The following IPO7 variants were observed in gnomAD, a reference collection of about 807,000 sequenced individuals.
The protein encoded by IPO7 is importin-7.
In IPO7, 13 loss-of-function variants were observed where a neutral mutation model predicts 136.4. The ratio of observed to expected loss-of-function variants is 0.10; its 90% CI spans 0.06 to 0.15. The LOEUF is 0.15. Ranked by LOEUF, IPO7 falls within the 10% of genes least tolerant of loss-of-function variation. IPO7 has a pLI of 1.00. For missense variants in IPO7, 857 were observed against 1,240.6 expected (o/e 0.69, Z 4.65); for synonymous variants, 403 against 404.4 (o/e 1.00, Z 0.04).
chr11:9,404,141 C>T (rs1316469814), intron 2 of IPO7, among the ~76,000 whole-genome samples: 4 of 152,194 alleles, frequency 2.6e-5, no homozygotes, highest in African/African-American at 4.8e-5. Context: ...TTATTTCTTG[C>T]TGTTCTTTCC....
chr11:9,429,329 A>G (rs1855259930), intron 14 of IPO7, 133 bp downstream of exon 14: 3 of 734,746 alleles, frequency 4.1e-6, no homozygotes, highest in Non-Finnish European at 6.7e-6. Flanking sequence ...AGCCTGGGCA[A>G]CATCTCTACA....
In IPO7 at chr11:9,433,601, A is replaced by G. The variant is rs1855329919; in HGVS notation, c.1913A>G (p.Gln638Arg). The change falls in exon 17 of 25, where the codon CAG becomes CGG. Residue 638 changes from glutamine (Q) to arginine (R), a missense_variant. By Grantham distance (43) the Gln-to-Arg change is conservative. Coordinates refer to ENST00000379719, the MANE Select transcript of IPO7 (RefSeq NM_006391.3). The part of the protein sequence containing the change: ...ITQQLEGICL[Q>R]VIGTVLQQHV... ...CAACAGCTTGAGGGAATCTGCTTAC[A>G]GGTCATTGGTACTGTTTTACAACAG... 1.2e-6 allele frequency: 2 copies of G among 1,612,492 alleles called. No individual in the cohort carries two copies. The highest frequency in any genetic ancestry group is 1.7e-5 in the Admixed American group (1 of 59,994).
Position 9,411,220 on chromosome 11 carries a change from G to T in IPO7, c.479+1134G>T, listed in dbSNP as rs184674041. Among the ~76,000 whole-genome samples, 392 of 152,276 alleles carry T rather than the reference G, an allele frequency of 2.6e-3. 1 individual carries two copies. The highest frequency in any genetic ancestry group is 9.1e-3 in the African/African-American group (378 of 41,550). On this transcript the variant is annotated intron_variant, in intron 4 of 24. Transcript: ENST00000379719. Reference sequence around the variant, plus strand: ...GGATTTTTAAGTGGGAGATACAGGAGGCTGCTACATCATTGGAATTCAGTT... The same window carrying T: ...GGATTTTTAAGTGGGAGATACAGGATGCTGCTACATCATTGGAATTCAGTT...
intron 2 of IPO7, among the ~76,000 whole-genome samples, chr11:9,406,104 CTTTTTTTTTT>C (rs71062847): frequency 3.2e-5 from 2 of 61,816 alleles, no homozygotes; most frequent in African/African-American, 7.6e-5. Context: ...TGAGGCTGGT[CTTTTTTTTTT>C]TTTTTTTTTT....
intron 8 of IPO7, among the ~76,000 whole-genome samples, chr11:9,421,890 G>T (rs956682282): frequency 1.3e-5 from 2 of 151,934 alleles, no homozygotes; most frequent in African/African-American, 4.8e-5. Flanking sequence ...CTTGCGGTGC[G>T]CAGAGATCCT....
intron 8 of IPO7, among the ~76,000 whole-genome samples, chr11:9,421,639 A>T (rs529907991): frequency 1.4e-5 from 2 of 147,540 alleles, no homozygotes; most frequent in Admixed American, 1.4e-4. Flanking sequence ...AAAAAAAAAA[A>T]TTCTTAAGAA....
chr11:9,426,030 G>T (rs530128608), intron 12 of IPO7, among the ~76,000 whole-genome samples: 1 of 152,018 alleles, frequency 6.6e-6, no homozygotes, highest in Admixed American at 6.6e-5. Flanking sequence ...TCCAGTCCAG[G>T]CGACAGAGAC....
rs536596608 is a variant in IPO7, at chr11:9,442,790, C to T, written c.3019+593C>T. Among the ~76,000 whole-genome samples the T allele has an allele frequency of 6.7e-4, 101 of 151,654 alleles. 1 individual carries two copies. Among genetic ancestry groups the T allele is most frequent in the Non-Finnish European group, 1.2e-3 (80 of 67,822 alleles). On this transcript the variant is annotated intron_variant, in intron 24 of 24. Coordinates refer to ENST00000379719, the MANE Select transcript of IPO7 (RefSeq NM_006391.3). ...GTAATTCCAGCACTTTGGGAGGCCA[C>T]GGTGGGTGGATTGCCTGAGCTCGGG... is the stretch of plus-strand genomic sequence containing the variant.
intron 10 of IPO7, among the ~76,000 whole-genome samples, chr11:9,424,374 A>G (rs1713622067): frequency 6.6e-6 from 1 of 152,234 alleles, no homozygotes; most frequent in East Asian, 1.9e-4. Context: ...TGTTTCATAC[A>G]TACGATTTAA....
At chr11:9,421,223 A>G (rs1855122880) in intron 8 of IPO7, among the ~76,000 whole-genome samples, 3 of 151,584 alleles carry the variant, frequency 2.0e-5, no homozygotes, top group Non-Finnish European at 4.4e-5. Flanking sequence ...GGCCTCCCAA[A>G]GTGCTGGGAT....
chr11:9,420,022 A>G (rs1855104480), intron 6 of IPO7, among the ~76,000 whole-genome samples: 1 of 152,176 alleles, frequency 6.6e-6, no homozygotes, highest in South Asian at 2.1e-4. Flanking sequence ...CTAACCTTCT[A>G]CTATGAAAGG....
In IPO7 at chr11:9,433,749, G is replaced by A. The variant is rs761418354; in HGVS notation, c.1977G>A (p.Ala659=). The change falls in exon 18 of 25, where the codon GCG becomes GCA. Residue 659 remains alanine, a synonymous_variant. Coordinates refer to ENST00000379719, the MANE Select transcript of IPO7 (RefSeq NM_006391.3). The part of the protein sequence containing the change: ...LEFYEEIFSL[A]HSLTCQQVSP... ...TCTATGAGGAGATCTTCTCTTTAGC[G>A]CACAGTTTGACATGTCAACAAGTGT... The A allele has an allele frequency of 2.1e-5, 34 of 1,611,754 alleles. No homozygotes were observed. Among genetic ancestry groups the A allele is most frequent in the African/African-American group, 8.0e-5 (6 of 74,798 alleles).
intron 10 of IPO7, among the ~76,000 whole-genome samples, chr11:9,424,135 A>G (rs1855171061): frequency 6.6e-6 from 1 of 152,198 alleles, no homozygotes; most frequent in African/African-American, 2.4e-5. Flanking sequence ...ATTACACCTC[A>G]ACACTAAATG....
Position 9,434,918 on chromosome 11 carries a change from T to C in IPO7, c.2075-16T>C, listed in dbSNP as rs377365084. The C allele has an allele frequency of 6.6e-7, 1 of 1,506,520 alleles. No homozygotes were observed. Among genetic ancestry groups the C allele is most frequent in the Non-Finnish European group, 9.2e-7 (1 of 1,085,680 alleles). The allele number at this position is 1,506,520 out of a possible 1,614,324, so 93.3% of individuals were successfully genotyped here. ...TGTTACTAAAGATGTGTAACCGATGTTTTTTATTAATACAGATATGATGCC... is the reference window on the plus strand; with the variant it reads ...TGTTACTAAAGATGTGTAACCGATGCTTTTTATTAATACAGATATGATGCC... On this transcript the variant is annotated splice_polypyrimidine_tract_variant and intron_variant, in intron 18 of 24. Coordinates refer to ENST00000379719, the MANE Select transcript of IPO7 (RefSeq NM_006391.3).
At chr11:9,408,826 C>T (rs1202515051) in intron 3 of IPO7, among the ~76,000 whole-genome samples, 187 bp downstream of exon 3, 2 of 149,718 alleles carry the variant, frequency 1.3e-5, no homozygotes, top group Non-Finnish European at 3.0e-5. Context: ...ATTCTCCTGC[C>T]TCTCAGCTCC....
chr11:9,420,819 C>CA, intron 8 of IPO7, 121 bp downstream of exon 8: 1 of 658,240 alleles, frequency 1.5e-6, no homozygotes. Flanking sequence ...TACCAGGTCT[C>CA]AAACATTTTT....
At position 9,433,862 on chromosome 11, in the gene IPO7, A is replaced by G. The variant is rs1354240658; in HGVS notation, c.2074+16A>G. The stretch of plus-strand genomic sequence containing the variant: ...TACTTTACAGGTGAGTCAAAGCAGC[A>G]TGGAAATACTGAGGGTTTTCCCTGC... On this transcript the variant is annotated intron_variant, in intron 18 of 24. Transcript: ENST00000379719. 6.2e-7 allele frequency: 1 copy of G among 1,603,894 alleles called. No individual in the cohort carries two copies. Among genetic ancestry groups the G allele is most frequent in the South Asian group, 1.1e-5 (1 of 90,608 alleles).
intron 16 of IPO7, among the ~76,000 whole-genome samples, chr11:9,432,685 C>G (rs940285781): frequency 6.6e-6 from 1 of 152,054 alleles, no homozygotes; most frequent in Admixed American, 6.6e-5. Context: ...TATTATTTTA[C>G]CCTTCCTCCC....
chr11:9,439,950 C>A (rs1436268231), intron 22 of IPO7, among the ~76,000 whole-genome samples: 10 of 152,172 alleles, frequency 6.6e-5, no homozygotes, highest in Admixed American at 3.3e-4. Flanking sequence ...TTGGAGACAT[C>A]CATCCTATCA....
Sources: gnomAD v4.1 joint callset for allele counts (sites outside exome capture counted in the v4.1 genomes callset) on GRCh38, gnomAD v4.1.1 for gene constraint, MANE v1.5 for transcripts, NCBI Gene and HGNC (gene_info 2026-07-23, HGNC 2026-07-21) for gene names.